Variants in FBXW5 observed in about 807,000 individuals in gnomAD.
The protein encoded by FBXW5 is F-box/WD repeat-containing protein 5.
A neutral mutation model predicts 50.9 loss-of-function variants in FBXW5; 74 were observed. The ratio of observed to expected loss-of-function variants is 1.45; its 90% CI spans 1.20 to 1.76. FBXW5 has a LOEUF of 1.76. Among genes scored for constraint, FBXW5 ranks in the 40% most tolerant of loss-of-function variants. The probability of loss-of-function intolerance (pLI) is 0.00; values close to 1 mark genes in which losing one functional copy is unlikely to be tolerated. For synonymous variants in FBXW5, 523 were observed against 362.2 expected (o/e 1.44, Z -5.04); for missense variants, 1,073 against 818.8 (o/e 1.31, Z -3.79).
At chr9:136,943,829 C>T in intron 2 of FBXW5, 62 bp downstream of exon 2, 4 of 1,516,328 alleles carry the variant, frequency 2.6e-6, no homozygotes, top group East Asian at 2.5e-5. Flanking sequence ...GGCTGACCCC[C>T]AAGCGCAGGG....
At position 136,941,126 on chromosome 9, in the gene FBXW5, G is replaced by A. The variant is rs1850739761; in HGVS notation, c.1503C>T (p.Asn501=). 6.2e-6 allele frequency: 10 copies of A among 1,602,034 alleles called. No individual in the cohort carries two copies. The highest frequency in any genetic ancestry group is 7.7e-6 in the Non-Finnish European group (9 of 1,174,792). ...CGTGCCGCAGCCTGGCCAGACAGAT[G>A]TTGTAGTGGCGGTCCCAGATGTAGC... The part of the protein sequence containing the change: ...RHGYIWDRHY[N]ICLARLRHED... The change falls in exon 9 of 9, where the codon AAC becomes AAT. Residue 501 remains asparagine, a synonymous_variant. Coordinates refer to ENST00000325285, the MANE Select transcript of FBXW5 (RefSeq NM_018998.4).
At position 136,940,860 on chromosome 9, in the gene FBXW5, G is replaced by T; in HGVS notation, c.*68C>A. ...ATAAGCATCTCCACCTCTCCCGCTC[G>T]GGAAAAAGCCACAGAGCCTGGCGAT... is the stretch of plus-strand genomic sequence containing the variant. On this transcript the variant is annotated 3_prime_UTR_variant, in exon 9 of 9. Coordinates refer to ENST00000325285, the MANE Select transcript of FBXW5 (RefSeq NM_018998.4). 1 of 1,521,872 alleles carries T rather than the reference G, an allele frequency of 6.6e-7. No homozygotes were observed. The highest frequency in any genetic ancestry group is 8.8e-7 in the Non-Finnish European group (1 of 1,135,974). 94.3% of individuals were successfully genotyped at this position (1,521,872 alleles called of 1,614,324 possible).
At position 136,943,893 on chromosome 9, in the gene FBXW5, G is replaced by A. The variant is rs1311545176; in HGVS notation, c.191C>T (p.Pro64Leu). ...YQVARDVPRH[P>L]AAMSWYEEFQ... is the part of the protein sequence containing the mutation. ...TAGGGGCCCCACACGCCACTGACCT[G>A]GGTGTCGGGGCACGTCGCGGGCCAC... Residue 64 changes from proline to leucine, a missense_variant and splice_region_variant, in exon 2 of 9, where the codon CCA (proline) becomes CTA (leucine). Pro to Leu is a moderately conservative substitution (Grantham distance 98). Coordinates refer to ENST00000325285, the MANE Select transcript of FBXW5 (RefSeq NM_018998.4). The A allele has an allele frequency of 1.3e-6, 2 of 1,549,834 alleles. No homozygotes were observed. The highest frequency in any genetic ancestry group is 1.2e-5 in the South Asian group (1 of 84,058).
intron 6 of FBXW5, 62 bp downstream of exon 6, chr9:136,941,984 C>T (rs1226225117): frequency 9.9e-6 from 15 of 1,515,612 alleles, no homozygotes; most frequent in African/African-American, 1.4e-5. Context: ...CCCTCAGGAC[C>T]CCTGCCCGGC....
At chr9:136,943,292 G>A (rs906243556) in intron 3 of FBXW5, 57 bp downstream of exon 3, 1 of 1,556,054 alleles carries the variant, frequency 6.4e-7, no homozygotes. Context: ...TGGGTCCTGG[G>A]ACCTCCGTGC....
In FBXW5 at chr9:136,943,652, A is replaced by ACCCTGTAGCTCACAGAGAC. The variant is rs1274362686; in HGVS notation, c.194-165_194-147dup. On this transcript the variant is annotated intron_variant, in intron 2 of 8. Coordinates refer to ENST00000325285, the MANE Select transcript of FBXW5 (RefSeq NM_018998.4). ...GCATAGGCCTCGGCTGGGGGATTCAACCCTGTAGCTCACAGAGACCCCTGT... is the reference window on the plus strand; with the variant it reads ...GCATAGGCCTCGGCTGGGGGATTCAACCCTGTAGCTCACAGAGACCCCTGTAGCTCACAGAGACCCCTGT... 13 of 1,206,792 alleles carry ACCCTGTAGCTCACAGAGAC rather than the reference A, an allele frequency of 1.1e-5. No homozygotes were observed. In the African/African-American group the frequency reaches 1.5e-4, roughly 14 times the overall value. 74.8% of individuals were successfully genotyped at this position (1,206,792 alleles called of 1,614,324 possible).
rs768895155 is a variant in FBXW5, at chr9:136,941,545, G to C, written c.1236C>G (p.Pro412=). The change falls in exon 7 of 9, where the codon CCC becomes CCG. Residue 412 remains proline (P), a synonymous_variant. Coordinates refer to ENST00000325285, the MANE Select transcript of FBXW5 (RefSeq NM_018998.4). ...ACTGGCAAGAGGCCCACCTGTTGTC[G>C]GGCGACAGGCCCATGCCGATGATGT... ...HGHIIGMGLS[P]DNRYLYVNSR... 5 of 1,610,462 alleles carry C rather than the reference G, an allele frequency of 3.1e-6. No homozygotes were observed. Among genetic ancestry groups the C allele is most frequent in the Non-Finnish European group, 4.2e-6 (5 of 1,179,548 alleles).
At position 136,944,669 on chromosome 9, in the gene FBXW5, A is replaced by T; in HGVS notation, c.-99T>A. The T allele has an allele frequency of 1.0e-6, 1 of 985,278 alleles. No individual in the cohort carries two copies. Among genetic ancestry groups the T allele is most frequent in the Non-Finnish European group, 1.2e-6 (1 of 829,726 alleles). 61.0% of individuals were successfully genotyped at this position (985,278 alleles called of 1,614,324 possible). A position where few individuals can be genotyped will look rare whatever the true frequency, so the allele number is the denominator to read the frequency against. On this transcript the variant is annotated 5_prime_UTR_variant, in exon 1 of 9. Transcript: ENST00000325285. ...CGCTTCCGCTGCCGCAGCCGCTCGG[A>T]CCGCCGCCCCCGCCCAACGGGGAGC...
In FBXW5 at chr9:136,942,677, G is replaced by T. The variant is rs1564435619; in HGVS notation, c.545C>A (p.Ser182Tyr). The T allele has an allele frequency of 6.2e-7, 1 of 1,610,742 alleles. No homozygotes were observed. Among genetic ancestry groups the T allele is most frequent in the Non-Finnish European group, 8.5e-7 (1 of 1,179,106 alleles). Residue 182 changes from serine (S) to tyrosine (Y), a missense_variant, in exon 5 of 9, where the codon TCC becomes TAC. By Grantham distance (144) the Ser-to-Tyr change is moderately radical. Coordinates refer to ENST00000325285, the MANE Select transcript of FBXW5 (RefSeq NM_018998.4). Reference sequence around the variant, plus strand: ...GTCATAGGGCTTGTTCCGCACGCGGGACAGCAGCGCGAAGGAGTCTGTGGG... The same window carrying T: ...GTCATAGGGCTTGTTCCGCACGCGGTACAGCAGCGCGAAGGAGTCTGTGGG... ...VISLDSFALL[S>Y]RVRNKPYDVF... is the part of the protein sequence containing the mutation.
At chr9:136,941,872 G>A (rs1588458731) in intron 6 of FBXW5, 174 bp downstream of exon 6, 28 of 1,435,668 alleles carry the variant, frequency 2.0e-5, no homozygotes, top group Middle Eastern at 2.5e-4. Flanking sequence ...CCCTGCCTGC[G>A]TTTGTTTTCA....
chr9:136,941,907 C>A, intron 6 of FBXW5, 139 bp downstream of exon 6: 1 of 1,439,646 alleles, frequency 6.9e-7, no homozygotes, highest in Non-Finnish European at 9.1e-7. Flanking sequence ...GGCCCCAGGT[C>A]TGGGCTTGTG....
Position 136,940,722 on chromosome 9 carries a change from C to T in FBXW5, c.*206G>A, listed in dbSNP as rs12344250. 1.2e-3 allele frequency: 996 copies of T among 810,492 alleles called. 9 individuals are homozygous for T. The African/African-American group carries it at 0.016, about 13-fold the overall frequency. The allele number at this position is 810,492 out of a possible 1,614,324, so 50.2% of individuals were successfully genotyped here. ...AAGTTGCCCAGGAGGCCGAGGGGGC[C>T]TTGGGCTCCATCTGCACTGGCCACC... On this transcript the variant is annotated 3_prime_UTR_variant, in exon 9 of 9. Transcript: ENST00000325285.
chr9:136,941,102 G>T lies in FBXW5; in HGVS notation c.1527C>A (p.His509Gln), dbSNP rs375355111. ...HYNICLARLR[H>Q]EDVVNSVVFS... ...AGACCACTGAGTTGACCACATCCTC[G>T]TGCCGCAGCCTGGCCAGACAGATGT... The change falls in exon 9 of 9, where the codon CAC becomes CAA. Residue 509 changes from histidine (H) to glutamine (Q), a missense_variant. Coordinates refer to ENST00000325285, the MANE Select transcript of FBXW5 (RefSeq NM_018998.4). The T allele has an allele frequency of 3.8e-5, 60 of 1,585,384 alleles. No individual in the cohort carries two copies. The highest frequency in any genetic ancestry group is 5.1e-5 in the Non-Finnish European group (60 of 1,166,004).
chr9:136,940,770 G>T lies in FBXW5; in HGVS notation c.*158C>A. ...ACCCCGTGCCAAGCATCACAGCTGCGTGAGCAGGTTTGTGTGTGAGCGTGT... is the reference window on the plus strand; with the variant it reads ...ACCCCGTGCCAAGCATCACAGCTGCTTGAGCAGGTTTGTGTGTGAGCGTGT... On this transcript the variant is annotated 3_prime_UTR_variant, in exon 9 of 9. Transcript: ENST00000325285. 1 of 1,199,150 alleles carries T rather than the reference G, an allele frequency of 8.3e-7. No homozygotes were observed. Among genetic ancestry groups the T allele is most frequent in the Non-Finnish European group, 1.1e-6 (1 of 879,696 alleles). The allele number at this position is 1,199,150 out of a possible 1,614,324, so 74.3% of individuals were successfully genotyped here. A position where few individuals can be genotyped will look rare whatever the true frequency, so the allele number is the denominator to read the frequency against.
Position 136,942,368 on chromosome 9 carries a change from G to A in FBXW5, c.774C>T (p.Ser258=). ...GCAGCAGGTCAGGGCTGTCGAAGCG[G>A]CTGCAGTCGGCCACCATCACCGTGC... ...TVRTVMVADC[S]RFDSPDLLLE... is the part of the protein sequence containing the mutation. The change falls in exon 6 of 9, where the codon AGC becomes AGT. Residue 258 remains serine (S), a synonymous_variant. Transcript: ENST00000325285. The A allele has an allele frequency of 6.2e-7, 1 of 1,610,328 alleles. No homozygotes were observed. The highest frequency in any genetic ancestry group is 8.5e-7 in the Non-Finnish European group (1 of 1,178,890).
At chr9:136,944,170 T>G (rs535130121) in intron 1 of FBXW5, 64 bp from the exon 2 acceptor site, 5 of 1,452,530 alleles carry the variant, frequency 3.4e-6, no homozygotes, top group African/African-American at 2.8e-5. Context: ...GCGGGCGTCC[T>G]GTTCCTCCAG....
rs746089632 is a variant in FBXW5 at position 136,942,742 on chromosome 9, C to T, written c.526+27G>A. ...ACAGGCTGTCGGCGTGGGGCGGGGG[C>T]AGGGTCAACCCGCCGCCCGTGCTCA... is the stretch of plus-strand genomic sequence containing the variant. On this transcript the variant is annotated intron_variant, in intron 4 of 8. Coordinates refer to ENST00000325285, the MANE Select transcript of FBXW5 (RefSeq NM_018998.4). 19 of 1,611,832 alleles carry T rather than the reference C, an allele frequency of 1.2e-5. 1 individual carries two copies. The South Asian group carries it at 2.0e-4, about 17-fold the overall frequency.
chr9:136,942,359 G>A lies in FBXW5; in HGVS notation c.783C>T (p.Asp261=), dbSNP rs1473221568. 1.2e-6 allele frequency: 2 copies of A among 1,608,386 alleles called. No individual in the cohort carries two copies. Among genetic ancestry groups the A allele is most frequent in the Non-Finnish European group, 1.7e-6 (2 of 1,178,098 alleles). ...CGGCTTCCAGCAGCAGGTCAGGGCTGTCGAAGCGGCTGCAGTCGGCCACCA... is the reference window on the plus strand; with the variant it reads ...CGGCTTCCAGCAGCAGGTCAGGGCTATCGAAGCGGCTGCAGTCGGCCACCA... ...TVMVADCSRF[D]SPDLLLEAGD... is the part of the protein sequence containing the mutation. Residue 261 remains aspartate, a synonymous_variant, in exon 6 of 9, where the codon GAC becomes GAT. Transcript: ENST00000325285.
chr9:136,941,854 G>A (rs963170494), intron 6 of FBXW5, 170 bp from the exon 7 acceptor site: 10 of 1,436,414 alleles, frequency 7.0e-6, no homozygotes, highest in Admixed American at 2.8e-5. Context: ...TTGCTTGCTG[G>A]CCAGCGGCCC....
Sources: allele counts gnomAD v4.1 joint callset, GRCh38; gene constraint gnomAD v4.1.1; transcripts MANE v1.5; gene names NCBI Gene and HGNC (gene_info 2026-07-23, HGNC 2026-07-21).